Variants in C4BPA observed in about 807,000 individuals in gnomAD.
The protein encoded by C4BPA is C4b-binding protein alpha chain.
In C4BPA, 31 loss-of-function variants were observed where a neutral mutation model predicts 63.7. The ratio of observed to expected loss-of-function variants is 0.49; its 90% CI spans 0.37 to 0.66. The LOEUF (loss-of-function observed/expected upper bound fraction) is 0.66, where lower values mean the gene tolerates loss of function less well. C4BPA is among the 30% of genes least tolerant of loss of function. C4BPA has a pLI of 0.00. For synonymous variants in C4BPA, 259 were observed against 254.7 expected, an observed-to-expected ratio of 1.02 and a Z score of -0.16; for missense variants, 572 against 723.3, an observed-to-expected ratio of 0.79 and a Z score of 2.40.
At chr1:207,123,427 A>G (rs532046912) in intron 4 of C4BPA, among the ~76,000 whole-genome samples, 1 of 152,222 alleles carries the variant, frequency 6.6e-6, no homozygotes, top group African/African-American at 2.4e-5. Flanking sequence ...TTTTTCTGTT[A>G]GCATAAGATA....
chr1:207,117,538 A>G (rs768623826), intron 4 of C4BPA, among the ~76,000 whole-genome samples: 4 of 152,182 alleles, frequency 2.6e-5, no homozygotes, highest in Non-Finnish European at 5.9e-5. Flanking sequence ...ACCGTAGAGA[A>G]GGCAAAACTA....
chr1:207,142,423 G>C (rs938779021), intron 10 of C4BPA, among the ~76,000 whole-genome samples: 19 of 152,076 alleles, frequency 1.2e-4, no homozygotes, highest in African/African-American at 3.1e-4. Flanking sequence ...ATAATCCTTT[G>C]GGTATATGCC....
intron 4 of C4BPA, among the ~76,000 whole-genome samples, chr1:207,116,486 T>C (rs528053989): frequency 6.6e-6 from 1 of 151,248 alleles, no homozygotes; most frequent in South Asian, 2.1e-4. Flanking sequence ...ATACTGTAAC[T>C]TTTCCCACAG....
rs553897833 is a variant in C4BPA, at chr1:207,143,703, GAGAA to G, written c.1445-111_1445-108del. On this transcript the variant is annotated intron_variant, in intron 10 of 11. Transcript: ENST00000367070. The stretch of plus-strand genomic sequence containing the variant: ...GCTAATATGAATGTTTTCAAATGAA[GAGAA>G]AGATAGAACAATTAGCAGAACTAAA... The G allele has an allele frequency of 1.1e-3, 794 of 734,708 alleles. 4 individuals are homozygous for G. The African/African-American group carries it at 0.013, about 12-fold the overall frequency. 45.5% of individuals were successfully genotyped at this position (734,708 alleles called of 1,614,324 possible). A position where few individuals can be genotyped will look rare whatever the true frequency, so the allele number is the denominator to read the frequency against.
chr1:207,105,570 A>G (rs1684542960), intron 1 of C4BPA, among the ~76,000 whole-genome samples: 1 of 150,842 alleles, frequency 6.6e-6, no homozygotes. Flanking sequence ...AAAAAAAAAA[A>G]AAAGAAAAAA....
At chr1:207,118,133 ATCTG>A (rs60535065) in intron 4 of C4BPA, among the ~76,000 whole-genome samples, 8,723 of 98,784 alleles carry the variant, frequency 0.088, 735 homozygotes, top group African/African-American at 0.22. Context: ...TCTATCATCT[ATCTG>A]TCTGTCTGTC....
At chr1:207,108,320 A>T (rs1229744385) in intron 1 of C4BPA, among the ~76,000 whole-genome samples, 1 of 150,982 alleles carries the variant, frequency 6.6e-6, no homozygotes, top group African/African-American at 2.5e-5. Flanking sequence ...AAAAAAATTC[A>T]CTAAGATAAC....
At chr1:207,124,468 TAAAC>T (rs1471313765) in intron 6 of C4BPA, 102 bp downstream of exon 6, 31 of 820,458 alleles carry the variant, frequency 3.8e-5, no homozygotes, top group African/African-American at 3.6e-4. Flanking sequence ...AATTCAAAGA[TAAAC>T]TAACTATCGC....
At chr1:207,125,520 C>T (rs1478274770) in intron 6 of C4BPA, among the ~76,000 whole-genome samples, 1 of 152,106 alleles carries the variant, frequency 6.6e-6, no homozygotes, top group Non-Finnish European at 1.5e-5. Flanking sequence ...GAGGGATCCA[C>T]CCTCATGAAT....
rs1685161147 is a variant in C4BPA at position 207,131,595 on chromosome 1, T to C, written c.939T>C (p.Tyr313=). Residue 313 remains tyrosine (Y), a synonymous_variant, in exon 8 of 12, where the codon TAT becomes TAC. Transcript: ENST00000367070. ...PDIPHASWET[Y]PRPTKEDVYV... is the part of the protein sequence containing the mutation. ...TTCCACATGCTTCCTGGGAAACATA[T>C]CCTAGGCCGACAAAAGAGGATGTGT... is the stretch of plus-strand genomic sequence containing the variant. The C allele has an allele frequency of 1.2e-6, 2 of 1,613,028 alleles. No homozygotes were observed. Among genetic ancestry groups the C allele is most frequent in the Non-Finnish European group, 8.5e-7 (1 of 1,179,266 alleles).
In C4BPA at chr1:207,124,338, T is replaced by C. The variant is rs369635807; in HGVS notation, c.678T>C (p.Val226=). The C allele has an allele frequency of 3.1e-6, 5 of 1,613,270 alleles. No homozygotes were observed. In the African/African-American group the frequency reaches 5.3e-5, roughly 17 times the overall value. Reference sequence around the variant, plus strand: ...CTGTGGAGAATGAAACAATAGGTGTTTGGAGACCAAGCCCTCCTACCTGTG... The same window carrying C: ...CTGTGGAGAATGAAACAATAGGTGTCTGGAGACCAAGCCCTCCTACCTGTG... ...SCTVENETIG[V]WRPSPPTCEK... Residue 226 remains valine (V), a synonymous_variant, in exon 6 of 12, where the codon GTT becomes GTC. Transcript: ENST00000367070.
At chr1:207,126,539 A>G (rs974573471) in intron 6 of C4BPA, among the ~76,000 whole-genome samples, 174 bp from the exon 7 acceptor site, 19 of 150,930 alleles carry the variant, frequency 1.3e-4, no homozygotes, top group South Asian at 6.2e-4. Flanking sequence ...ATACAGATAT[A>G]TATGTATGCG....
chr1:207,126,738 T>C lies in C4BPA; in HGVS notation c.732T>C (p.Val244=). 1 of 1,609,812 alleles carries C rather than the reference T, an allele frequency of 6.2e-7. No individual in the cohort carries two copies. Among genetic ancestry groups the C allele is most frequent in the Non-Finnish European group, 8.5e-7 (1 of 1,177,728 alleles). Residue 244 remains valine, a synonymous_variant, in exon 7 of 12, where the codon GTT becomes GTC. Coordinates refer to ENST00000367070, the MANE Select transcript of C4BPA (RefSeq NM_000715.4). ...CEKITCRKPD[V]SHGEMVSGFG... The stretch of plus-strand genomic sequence containing the variant: ...AAATCACCTGTCGCAAGCCAGATGT[T>C]TCACATGGGGAAATGGTCTCTGGAT...
chr1:207,110,361 G>A (rs931855775), intron 1 of C4BPA, among the ~76,000 whole-genome samples: 2 of 152,136 alleles, frequency 1.3e-5, no homozygotes, highest in African/African-American at 4.8e-5. Context: ...GGAGCCTAAG[G>A]GGTCAGACCA....
At chr1:207,117,969 C>T (rs1213262391) in intron 4 of C4BPA, among the ~76,000 whole-genome samples, 1 of 152,200 alleles carries the variant, frequency 6.6e-6, no homozygotes, top group Admixed American at 6.5e-5. Flanking sequence ...GTCTTTTTTT[C>T]CTTGTTTCTT....
At chr1:207,118,065 G>C (rs1380894593) in intron 4 of C4BPA, among the ~76,000 whole-genome samples, 1 of 151,864 alleles carries the variant, frequency 6.6e-6, no homozygotes, top group Non-Finnish European at 1.5e-5. Flanking sequence ...AAATGTTTTT[G>C]GTATTTTAAA....
At chr1:207,137,680 C>T (rs574198488) in intron 9 of C4BPA, among the ~76,000 whole-genome samples, 4 of 151,988 alleles carry the variant, frequency 2.6e-5, no homozygotes, top group Middle Eastern at 3.2e-3. Flanking sequence ...TGCAGTGGTG[C>T]GATCTCGGCT....
chr1:207,120,594 T>C lies in C4BPA; in HGVS notation c.429-3328T>C, dbSNP rs557925606. Among the ~76,000 whole-genome samples, 29 of 151,906 alleles carry C rather than the reference T, an allele frequency of 1.9e-4. 1 individual carries two copies. The highest frequency in any genetic ancestry group is 6.5e-4 in the African/African-American group (27 of 41,420). ...AGCCTGAGCAACATAGCGAAACCCA[T>C]CTCTAAAGAATAAAAAAATTTAAAA... On this transcript the variant is annotated intron_variant, in intron 4 of 11. Coordinates refer to ENST00000367070, the MANE Select transcript of C4BPA (RefSeq NM_000715.4).
At chr1:207,121,847 C>T (rs979053897) in intron 4 of C4BPA, among the ~76,000 whole-genome samples, 3 of 152,028 alleles carry the variant, frequency 2.0e-5, no homozygotes, top group South Asian at 4.2e-4. Flanking sequence ...TCCTTCACCC[C>T]TTCTATCTTC....
Sources: allele counts gnomAD v4.1 joint callset (sites outside exome capture counted in the v4.1 genomes callset), GRCh38; gene constraint gnomAD v4.1.1; transcripts MANE v1.5; gene names NCBI Gene and HGNC (gene_info 2026-07-23, HGNC 2026-07-21).